Variants in SLC47A2 observed in about 807,000 individuals in gnomAD.
SLC47A2 encodes solute carrier family 47 member 2, also known as multidrug and toxin extrusion protein 2.
In SLC47A2, 52 loss-of-function variants were observed where a neutral mutation model predicts 67.7. The ratio of observed to expected loss-of-function variants is 0.77; its 90% CI spans 0.61 to 0.97. The LOEUF (loss-of-function observed/expected upper bound fraction) is 0.97. Among genes scored for constraint, SLC47A2 ranks in the 50% least tolerant of loss-of-function variants. The pLI is 0.00. For missense variants in SLC47A2, 676 were observed against 712.3 expected (o/e 0.95, Z 0.58); for synonymous variants, 278 against 292.9 (o/e 0.95, Z 0.52).
At chr17:19,714,456 C>T in intron 3 of SLC47A2, 1 of 555,480 alleles carries the variant, frequency 1.8e-6, no homozygotes, top group Non-Finnish European at 3.2e-6. Context: ...TCTTTCTCTA[C>T]TTGGTGACCT....
chr17:19,697,431 T>C (rs1419845128), intron 13 of SLC47A2, among the ~76,000 whole-genome samples: 1 of 152,138 alleles, frequency 6.6e-6, no homozygotes, highest in Non-Finnish European at 1.5e-5. Context: ...CATGAGACTT[T>C]GTCTCAAAAA....
At position 19,705,400 on chromosome 17, in the gene SLC47A2, G is replaced by A. The variant is rs140619422; in HGVS notation, c.909+36C>T. The A allele has an allele frequency of 1.6e-3, 2,617 of 1,589,834 alleles. 44 individuals carry two copies. The African/African-American group carries it at 0.03, about 18-fold the overall frequency. ...CTATGACACCTCCAGCCATCAGGTG[G>A]GGGATGTGGGGAAGGCACCCCTGCA... is the stretch of plus-strand genomic sequence containing the variant. On this transcript the variant is annotated intron_variant, in intron 10 of 16. Transcript: ENST00000433844.
chr17:19,695,515 C>CA (rs201305334), intron 13 of SLC47A2, among the ~76,000 whole-genome samples: 34,351 of 91,050 alleles, frequency 0.38, 5,467 homozygotes, highest in African/African-American at 0.52. Context: ...AAAAAAACAG[C>CA]AAAAAAAAAA....
At chr17:19,690,910 G>A (rs568673311) in intron 13 of SLC47A2, among the ~76,000 whole-genome samples, 1 of 151,980 alleles carries the variant, frequency 6.6e-6, no homozygotes, top group African/African-American at 2.4e-5. Context: ...ACCTGAGGTC[G>A]GGAGTTCTAA....
chr17:19,689,166 C>A (rs891574074), intron 13 of SLC47A2, among the ~76,000 whole-genome samples: 3 of 152,106 alleles, frequency 2.0e-5, no homozygotes, highest in Non-Finnish European at 4.4e-5. Flanking sequence ...CTCAGCCTCC[C>A]AAAATGCTGG....
intron 5 of SLC47A2, among the ~76,000 whole-genome samples, chr17:19,712,450 G>A (rs1157646381): frequency 6.6e-6 from 1 of 152,172 alleles, no homozygotes; most frequent in African/African-American, 2.4e-5. Flanking sequence ...AGAATTATAG[G>A]TGATTTGAAT....
In SLC47A2 at chr17:19,681,665, GAC is replaced by G; in HGVS notation, c.1168_1169del (p.Val390LeufsTer76). ...CAGTTCCTCTCAGAACTCCGCCATAGACACACTAGGAGGGGAGACAGAAATGG... is the reference window on the plus strand; with the variant it reads ...CAGTTCCTCTCAGAACTCCGCCATAGACACTAGGAGGGGAGACAGAAATGG... ...VFHVFEAICC[V>X]YGGVLRGTGK... On this transcript the variant is annotated frameshift_variant, in exon 14 of 17. Coordinates refer to ENST00000433844, the MANE Select transcript of SLC47A2 (RefSeq NM_001099646.3). LOFTEE classifies it high-confidence loss of function. 1 of 1,611,852 alleles carries G rather than the reference GAC, an allele frequency of 6.2e-7. No individual in the cohort carries two copies. The highest frequency in any genetic ancestry group is 8.5e-7 in the Non-Finnish European group (1 of 1,178,524).
At chr17:19,716,288 G>T in intron 1 of SLC47A2, 145 bp downstream of exon 1, 1 of 1,298,360 alleles carries the variant, frequency 7.7e-7, no homozygotes, top group Non-Finnish European at 1.0e-6. Flanking sequence ...CCATCCTGCT[G>T]TCCCCAGACT....
chr17:19,711,456 A>T (rs2086092302), intron 5 of SLC47A2, among the ~76,000 whole-genome samples: 1 of 151,518 alleles, frequency 6.6e-6, no homozygotes, highest in African/African-American at 2.4e-5. Flanking sequence ...GCTGGGCATG[A>T]TGGTGGGTGC....
intron 13 of SLC47A2, among the ~76,000 whole-genome samples, chr17:19,686,096 T>C (rs1044790081): frequency 1.3e-5 from 2 of 152,050 alleles, no homozygotes; most frequent in African/African-American, 4.8e-5. Context: ...ACCCTGTCTT[T>C]ACTAATAATA....
chr17:19,708,631 G>A (rs2152356244), intron 6 of SLC47A2, 85 bp downstream of exon 6: 1 of 1,598,148 alleles, frequency 6.3e-7, no homozygotes, highest in Middle Eastern at 1.7e-4. Context: ...ATGGTGGAGA[G>A]AAGGGGAAAG....
intron 9 of SLC47A2, 122 bp from the exon 10 acceptor site, chr17:19,705,625 G>T: frequency 3.4e-6 from 3 of 870,756 alleles, no homozygotes; most frequent in Non-Finnish European, 3.3e-6. Flanking sequence ...CTTGAGACAG[G>T]GTCTCACTCT....
At chr17:19,705,718 GC>G (rs1567629740) in intron 9 of SLC47A2, among the ~76,000 whole-genome samples, 1 of 151,984 alleles carries the variant, frequency 6.6e-6, no homozygotes, top group South Asian at 2.1e-4. Context: ...CCCACCTCAG[GC>G]CCCCAAGTAG....
chr17:19,706,394 G>T (rs1242321458), intron 9 of SLC47A2, among the ~76,000 whole-genome samples: 1 of 152,188 alleles, frequency 6.6e-6, no homozygotes, highest in Admixed American at 6.5e-5. Context: ...GGCACAAAAG[G>T]CCCAAGTCTG....
At chr17:19,684,995 G>A (rs538503409) in intron 13 of SLC47A2, among the ~76,000 whole-genome samples, 84 of 152,178 alleles carry the variant, frequency 5.5e-4, no homozygotes, top group African/African-American at 1.9e-3. Flanking sequence ...CCAGGCACGC[G>A]CTGCCACTCC....
intron 13 of SLC47A2, among the ~76,000 whole-genome samples, chr17:19,686,866 A>T (rs1166814577): frequency 6.6e-6 from 1 of 152,232 alleles, no homozygotes; most frequent in Non-Finnish European, 1.5e-5. Flanking sequence ...TCAACATCCC[A>T]CTTGCAACAC....
At chr17:19,704,818 T>G in intron 10 of SLC47A2, 1 of 577,526 alleles carries the variant, frequency 1.7e-6, no homozygotes. Flanking sequence ...CTCGATGGAA[T>G]GTGCTTTTTT....
intron 13 of SLC47A2, 131 bp downstream of exon 13, chr17:19,702,474 C>A: frequency 6.8e-7 from 1 of 1,474,636 alleles, no homozygotes; most frequent in Admixed American, 2.4e-5. Flanking sequence ...ATACTTTGGG[C>A]ACTTACTATA....
intron 13 of SLC47A2, among the ~76,000 whole-genome samples, chr17:19,691,992 G>A (rs551588203): frequency 1.6e-4 from 24 of 152,302 alleles, no homozygotes; most frequent in Non-Finnish European, 2.6e-4. Context: ...CACTTTGGGA[G>A]GCCTAGGTGG....
Sources: allele counts gnomAD v4.1 joint callset (sites outside exome capture counted in the v4.1 genomes callset), GRCh38; gene constraint gnomAD v4.1.1; transcripts MANE v1.5; gene names NCBI Gene and HGNC (gene_info 2026-07-23, HGNC 2026-07-21).